Variants in GGA1 observed in about 807,000 individuals in gnomAD.
GGA1 encodes ADP-ribosylation factor-binding protein GGA1.
In GGA1, 18 loss-of-function variants were observed where a neutral mutation model predicts 76.9. The ratio of observed to expected loss-of-function variants is 0.23; its 90% CI spans 0.16 to 0.35. GGA1 has a LOEUF of 0.35. Ranked by LOEUF, GGA1 falls within the 10% of genes least tolerant of loss-of-function variation. The pLI is 1.00. For missense variants in GGA1, 755 were observed against 859.0 expected, an observed-to-expected ratio of 0.88 and a Z score of 1.51; for synonymous variants, 342 against 354.7, an observed-to-expected ratio of 0.96 and a Z score of 0.40.
chr22:37,610,304 C>G (rs1927264684), intron 1 of GGA1: 1 of 152,102 alleles, frequency 6.6e-6, no homozygotes, highest in East Asian at 1.9e-4. Flanking sequence ...ATTGTAAGAT[C>G]TTTCCTCTTC....
intron 4 of GGA1, among the ~76,000 whole-genome samples, chr22:37,618,749 G>A (rs950866654): frequency 7.2e-5 from 11 of 152,226 alleles, no homozygotes; most frequent in Admixed American, 3.3e-4. Flanking sequence ...CTGGGGTCTC[G>A]GAGGAGTGTT....
intron 2 of GGA1, among the ~76,000 whole-genome samples, chr22:37,616,081 A>T (rs1928735529): frequency 6.6e-6 from 1 of 152,022 alleles, no homozygotes; most frequent in African/African-American, 2.4e-5. Flanking sequence ...TGACCTCATG[A>T]TCCACCTGCC....
At chr22:37,622,650 A>G (rs1461910009) in intron 7 of GGA1, among the ~76,000 whole-genome samples, 2 of 152,144 alleles carry the variant, frequency 1.3e-5, no homozygotes, top group African/African-American at 2.4e-5. Context: ...CCTGGGCTCA[A>G]TGACCCTCCC....
rs769892841 is a variant in GGA1 at position 37,630,893 on chromosome 22, C to G, written c.1332-10C>G. 2 of 1,602,138 alleles carry G rather than the reference C, an allele frequency of 1.2e-6. No homozygotes were observed. Among genetic ancestry groups the G allele is most frequent in the South Asian group, 2.2e-5 (2 of 90,502 alleles). ...AGAATCACTTCTTAATGCACTGTCC[C>G]CCGATTAAGGGAGAAGCAGCAGCCA... On this transcript the variant is annotated splice_polypyrimidine_tract_variant and intron_variant, in intron 13 of 16. Coordinates refer to ENST00000343632, the MANE Select transcript of GGA1 (RefSeq NM_013365.5).
chr22:37,625,191 C>T lies in GGA1; in HGVS notation c.940+115C>T. Reference sequence around the variant, plus strand: ...GGAATGACTGCCAGGGTGACCCTGGCCCCTTAAGATGGGGAAGGCCCCAGG... The same window carrying T: ...GGAATGACTGCCAGGGTGACCCTGGTCCCTTAAGATGGGGAAGGCCCCAGG... On this transcript the variant is annotated intron_variant, in intron 10 of 16. Coordinates refer to ENST00000343632, the MANE Select transcript of GGA1 (RefSeq NM_013365.5). This position sits in a 1 kb window ranked among gnomAD's most constrained non-coding sequence, Gnocchi z 4.1. 1 of 953,992 alleles carries T rather than the reference C, an allele frequency of 1.0e-6. No homozygotes were observed. The highest frequency in any genetic ancestry group is 1.6e-6 in the Non-Finnish European group (1 of 630,658). The allele number at this position is 953,992 out of a possible 1,614,324, so 59.1% of individuals were successfully genotyped here. A position where few individuals can be genotyped will look rare whatever the true frequency, so the allele number is the denominator to read the frequency against.
At chr22:37,609,114 C>T in intron 1 of GGA1, 1 of 1,485,072 alleles carries the variant, frequency 6.7e-7, no homozygotes. Context: ...CGGGCGCCGC[C>T]CACCTGTCGG....
intron 13 of GGA1, 82 bp from the exon 14 acceptor site, chr22:37,630,821 G>A: frequency 1.0e-6 from 1 of 973,152 alleles, no homozygotes; most frequent in Non-Finnish European, 1.6e-6. Context: ...GCCCGCCTCA[G>A]CCTCCCAAAG....
chr22:37,616,794 G>A, intron 2 of GGA1, 128 bp from the exon 3 acceptor site: 4 of 1,191,086 alleles, frequency 3.4e-6, no homozygotes, highest in Non-Finnish European at 4.5e-6. Flanking sequence ...GGGCTGGGGT[G>A]GTGACCCTCC....
Position 37,625,211 on chromosome 22 carries a change from C to T in GGA1, c.940+135C>T. On this transcript the variant is annotated intron_variant, in intron 10 of 16. Transcript: ENST00000343632. The surrounding 1 kb of genome is among the most constrained non-coding windows in gnomAD (Gnocchi z 4.1). ...CCTGGCCCCTTAAGATGGGGAAGGC[C>T]CCAGGGAGGGAGCTGGGGGTGAAGT... is the stretch of plus-strand genomic sequence containing the variant. 2 of 758,488 alleles carry T rather than the reference C, an allele frequency of 2.6e-6. No homozygotes were observed. Among genetic ancestry groups the T allele is most frequent in the Non-Finnish European group, 4.3e-6 (2 of 464,866 alleles). The allele number at this position is 758,488 out of a possible 1,614,324, so 47.0% of individuals were successfully genotyped here. A position where few individuals can be genotyped will look rare whatever the true frequency, so the allele number is the denominator to read the frequency against.
chr22:37,632,433 C>T lies in GGA1; in HGVS notation c.1727C>T (p.Ser576Leu), dbSNP rs762094245. 2 of 1,613,258 alleles carry T rather than the reference C, an allele frequency of 1.2e-6. No individual in the cohort carries two copies. The highest frequency in any genetic ancestry group is 1.7e-6 in the Non-Finnish European group (2 of 1,179,274). The change falls in exon 16 of 17, where the codon TCG becomes TTG. Residue 576 changes from serine (S) to leucine (L), a missense_variant. Physicochemically the swap from Ser to Leu is moderately radical, Grantham distance 145. Coordinates refer to ENST00000343632, the MANE Select transcript of GGA1 (RefSeq NM_013365.5). This position sits in a 1 kb window ranked among gnomAD's most constrained non-coding sequence, Gnocchi z 5.1. The part of the protein sequence containing the change: ...KVMKVKLQPP[S>L]GTELPAFNPI... Reference sequence around the variant, plus strand: ...ATGAAGGTGAAGCTGCAGCCACCCTCGGGCACGGAGCTGCCAGCTTTTAAC... The same window carrying T: ...ATGAAGGTGAAGCTGCAGCCACCCTTGGGCACGGAGCTGCCAGCTTTTAAC...
rs370488519 is a variant in GGA1, at chr22:37,619,825, C to A, written c.304-413C>A. ...GGGACTCTGCTGTGAGAGCCACTTT[C>A]CCCAGCCCAGTTTGCTGCTAGGAGA... On this transcript the variant is annotated intron_variant, in intron 4 of 16. Coordinates refer to ENST00000343632, the MANE Select transcript of GGA1 (RefSeq NM_013365.5). 3.0e-4 allele frequency: 235 copies of A among 777,910 alleles called. 1 individual carries two copies. The African/African-American group carries it at 3.2e-3, about 11-fold the overall frequency. 48.2% of individuals were successfully genotyped at this position (777,910 alleles called of 1,614,324 possible).
intron 1 of GGA1, 78 bp from the exon 2 acceptor site, chr22:37,614,112 A>G: frequency 1.0e-6 from 1 of 978,264 alleles, no homozygotes; most frequent in East Asian, 2.4e-5. Context: ...ACTCCTGACC[A>G]CACCTTTGCC....
At position 37,624,916 on chromosome 22, in the gene GGA1, C is replaced by A. The variant is rs1269213194; in HGVS notation, c.833-53C>A. ...ATGTGGGGTCCTCGTCCCCTGCCGCCCAGAGGCCCCCACAGTCCTTCAGCC... is the reference window on the plus strand; with the variant it reads ...ATGTGGGGTCCTCGTCCCCTGCCGCACAGAGGCCCCCACAGTCCTTCAGCC... On this transcript the variant is annotated intron_variant, in intron 9 of 16. Coordinates refer to ENST00000343632, the MANE Select transcript of GGA1 (RefSeq NM_013365.5). The surrounding 1 kb of genome is among the most constrained non-coding windows in gnomAD (Gnocchi z 4.3). 2.6e-6 allele frequency: 4 copies of A among 1,538,620 alleles called. No homozygotes were observed. Among genetic ancestry groups the A allele is most frequent in the South Asian group, 1.2e-5 (1 of 83,812 alleles).
intron 2 of GGA1, among the ~76,000 whole-genome samples, chr22:37,614,488 G>C (rs1052557475): frequency 6.6e-6 from 1 of 152,210 alleles, no homozygotes; most frequent in African/African-American, 2.4e-5. Context: ...TCAAGGCTCA[G>C]AGGACTCAGA....
At position 37,630,003 on chromosome 22, in the gene GGA1, G is replaced by A. The variant is rs747010598; in HGVS notation, c.1164G>A (p.Ser388=). 2.7e-5 allele frequency: 42 copies of A among 1,556,432 alleles called. No individual in the cohort carries two copies. Among genetic ancestry groups the A allele is most frequent in the East Asian group, 1.6e-4 (7 of 42,622 alleles). Residue 388 remains serine, a synonymous_variant, in exon 13 of 17, where the codon TCG becomes TCA. Coordinates refer to ENST00000343632, the MANE Select transcript of GGA1 (RefSeq NM_013365.5). ...DGTGWNSFQS[S]DATEPPAPAL... Reference sequence around the variant, plus strand: ...CTGCATCCTTTTCCCCACAGTCGTCGGATGCCACTGAGCCCCCAGCCCCTG... The same window carrying A: ...CTGCATCCTTTTCCCCACAGTCGTCAGATGCCACTGAGCCCCCAGCCCCTG...
intron 4 of GGA1, among the ~76,000 whole-genome samples, chr22:37,618,887 T>C (rs1211083658): frequency 6.6e-6 from 1 of 152,172 alleles, no homozygotes; most frequent in East Asian, 1.9e-4. Context: ...TCACTCCCTG[T>C]GGACCTGGCC....
In GGA1 at chr22:37,633,043, G is replaced by A. The variant is rs1015726840; in HGVS notation, c.*332G>A. 3.5e-6 allele frequency: 1 copy of A among 285,672 alleles called. No homozygotes were observed. The highest frequency in any genetic ancestry group is 6.8e-6 in the Non-Finnish European group (1 of 147,340). 17.7% of individuals were successfully genotyped at this position (285,672 alleles called of 1,614,324 possible). ...CTGTTGGGGAAGGGCCAGGACCTCA[G>A]GCCCAGCCCCAACCCCAGCTGGGGT... On this transcript the variant is annotated 3_prime_UTR_variant, in exon 17 of 17. Transcript: ENST00000343632.
Position 37,630,127 on chromosome 22 carries a change from C to G in GGA1, c.1288C>G (p.Leu430Val), listed in dbSNP as rs1196159416. The change falls in exon 13 of 17, where the codon CTC becomes GTC. Residue 430 changes from leucine (L) to valine (V), a missense_variant. Leu to Val is a conservative substitution (Grantham distance 32). Transcript: ENST00000343632. ...LDDLDLLGKT[L>V]LQQSLPPESQ... is the part of the protein sequence containing the mutation. ...CGACCTAGACCTCCTGGGGAAGACC[C>G]TCCTGCAGCAGTCGCTGCCCCCGGA... 6.2e-7 allele frequency: 1 copy of G among 1,603,968 alleles called. No homozygotes were observed. The highest frequency in any genetic ancestry group is 8.5e-7 in the Non-Finnish European group (1 of 1,175,794).
intron 13 of GGA1, chr22:37,630,681 G>A (rs1329598477): frequency 2.0e-5 from 11 of 547,404 alleles, no homozygotes; most frequent in African/African-American, 9.8e-5. Context: ...ATTCTCCTAC[G>A]TCAGGCTCCT....
Sources: gnomAD v4.1 joint callset for allele counts (sites outside exome capture counted in the v4.1 genomes callset) on GRCh38, gnomAD v4.1.1 for gene constraint, Gnocchi (gnomAD v3.1) non-coding constraint, MANE v1.5 for transcripts, NCBI Gene and HGNC (gene_info 2026-07-23, HGNC 2026-07-21) for gene names.